JAK1: variants seen among roughly 807,000 people sequenced by gnomAD.
JAK1 encodes tyrosine-protein kinase JAK1.
Under a neutral mutation model 136.6 loss-of-function variants are expected in JAK1, and 16 were observed. That is an observed-to-expected ratio of 0.12 (90% CI 0.08 to 0.18). The LOEUF (loss-of-function observed/expected upper bound fraction) is 0.18, where lower values mean the gene tolerates loss of function less well. Ranked by LOEUF, JAK1 falls within the 10% of genes least tolerant of loss-of-function variation. JAK1 has a pLI of 1.00. For synonymous variants in JAK1, 492 were observed against 519.5 expected, an observed-to-expected ratio of 0.95 and a Z score of 0.72; for missense variants, 859 against 1,450.1, an observed-to-expected ratio of 0.59 and a Z score of 6.62.
At position 65,015,704 on chromosome 1, in the gene JAK1, T is replaced by A. The variant is rs150677428; in HGVS notation, c.-78+28776A>T. Among the ~76,000 whole-genome samples, 447 of 152,222 alleles carry A rather than the reference T, an allele frequency of 2.9e-3. 3 individuals are homozygous for A. Among genetic ancestry groups the A allele is most frequent in the African/African-American group, 0.01 (433 of 41,546 alleles). ...TGAAATTTTAAAACGGAAATATAAC[T>A]CCAAAAGAATTGGCATTTTTATGTT... On this transcript the variant is annotated intron_variant, in intron 2 of 25. Coordinates refer to the JAK1 transcript ENST00000671954.
chr1:65,029,300 A>G (rs989256138), intron 2 of JAK1, among the ~76,000 whole-genome samples: 8 of 152,044 alleles, frequency 5.3e-5, no homozygotes. Context: ...GGGTTTCACT[A>G]TGTTGCCCAG....
rs186175385 is a variant in JAK1 at position 65,034,829 on chromosome 1, C to A, written c.-78+9651G>T. Among the ~76,000 whole-genome samples the A allele has an allele frequency of 9.2e-3, 1,394 of 152,108 alleles. 14 individuals are homozygous for A. Among genetic ancestry groups the A allele is most frequent in the African/African-American group, 0.032 (1,327 of 41,500 alleles). ...CAGCACTTTGCGAGGCCAAGGCGGG[C>A]GGATCACTTGAGGTCAGGAGTTCAA... On this transcript the variant is annotated intron_variant, in intron 2 of 25. Transcript: ENST00000671954.
intron 22 of JAK1, 99 bp downstream of exon 22, chr1:64,837,833 C>A: frequency 3.0e-6 from 3 of 1,000,352 alleles, no homozygotes; most frequent in East Asian, 2.4e-5. Context: ...TTGAGTCAGG[C>A]CAGAGGAATG....
chr1:64,886,188 A>G (rs1644849533), intron 2 of JAK1, 71 bp downstream of exon 2: 4 of 1,024,220 alleles, frequency 3.9e-6, no homozygotes, highest in Non-Finnish European at 6.0e-6. Context: ...CTACAGCCTC[A>G]AGAACACGGT....
intron 17 of JAK1, among the ~76,000 whole-genome samples, chr1:64,841,873 T>C (rs1178727716): frequency 1.3e-5 from 2 of 152,192 alleles, no homozygotes; most frequent in South Asian, 2.1e-4. Flanking sequence ...TGGAATACAA[T>C]TGGGCAACAT....
At chr1:64,956,040 A>G (rs1296608493) in intron 1 of JAK1, among the ~76,000 whole-genome samples, 1 of 152,258 alleles carries the variant, frequency 6.6e-6, no homozygotes, top group Non-Finnish European at 1.5e-5. Flanking sequence ...TAGAAATGTC[A>G]GTGTCCATAC....
chr1:64,896,201 T>C (rs1262343894), intron 1 of JAK1, among the ~76,000 whole-genome samples: 1 of 152,258 alleles, frequency 6.6e-6, no homozygotes, highest in African/African-American at 2.4e-5. Context: ...CTTTTTTGCA[T>C]CCTTGAAGCA....
At chr1:64,981,580 A>C (rs1165767204) in intron 2 of JAK1, among the ~76,000 whole-genome samples, 2 of 152,222 alleles carry the variant, frequency 1.3e-5, no homozygotes, top group Non-Finnish European at 1.5e-5. Flanking sequence ...AATTAAAATA[A>C]ATTAAAATAT....
At position 65,047,807 on chromosome 1, in the gene JAK1, G is replaced by A. The variant is rs143870907; in HGVS notation, c.-180-3225C>T. Among the ~76,000 whole-genome samples the A allele has an allele frequency of 5.9e-4, 90 of 152,198 alleles. No individual in the cohort carries two copies. In the East Asian group the frequency reaches 0.015, roughly 26 times the overall value. On this transcript the variant is annotated intron_variant, in intron 1 of 25. Coordinates refer to the JAK1 transcript ENST00000671954. ...AAACACAGTAAGTATACTGAAGTAC[G>A]TTAGTGTGGACGTACTGTGTGCAAG...
intron 2 of JAK1, among the ~76,000 whole-genome samples, chr1:65,036,670 A>G (rs1307889859): frequency 6.8e-6 from 1 of 147,816 alleles, no homozygotes; most frequent in African/African-American, 2.5e-5. Context: ...TCTACAAAGT[A>G]TTTCAAGAGT....
chr1:65,067,220 A>C (rs1447789989), intron 1 of JAK1, among the ~76,000 whole-genome samples: 1 of 149,844 alleles, frequency 6.7e-6, no homozygotes, highest in Admixed American at 6.6e-5. Flanking sequence ...TCCCCGGAGG[A>C]GGCTGAAGGC....
intron 19 of JAK1, among the ~76,000 whole-genome samples, 195 bp from the exon 20 acceptor site, chr1:64,839,990 C>T (rs1654786439): frequency 6.6e-6 from 1 of 152,232 alleles, no homozygotes; most frequent in Admixed American, 6.5e-5. Context: ...CACAAACTGT[C>T]CCCTCAGTTA....
At chr1:64,915,094 A>C (rs1163378863) in intron 1 of JAK1, among the ~76,000 whole-genome samples, 1 of 152,132 alleles carries the variant, frequency 6.6e-6, no homozygotes, top group Non-Finnish European at 1.5e-5. Flanking sequence ...CCACATATAT[A>C]CCTTATAGGA....
At chr1:64,879,357 T>C (rs1056372556) in intron 3 of JAK1, among the ~76,000 whole-genome samples, 8 of 152,154 alleles carry the variant, frequency 5.3e-5, no homozygotes, top group Non-Finnish European at 8.8e-5. Flanking sequence ...CCCAGAAATA[T>C]GCACTGTAGC....
At chr1:65,039,555 C>G (rs1481931715) in intron 2 of JAK1, among the ~76,000 whole-genome samples, 1 of 152,144 alleles carries the variant, frequency 6.6e-6, no homozygotes, top group African/African-American at 2.4e-5. Flanking sequence ...GAAAGAAACT[C>G]AAACCCAGGT....
At chr1:64,930,533 A>C (rs11208543) in intron 1 of JAK1, among the ~76,000 whole-genome samples, 1 of 152,320 alleles carries the variant, frequency 6.6e-6, no homozygotes, top group South Asian at 2.1e-4. Flanking sequence ...AAATAGGAAC[A>C]CTTTATGCTG....
At chr1:64,857,004 G>T (rs770185756) in intron 10 of JAK1, among the ~76,000 whole-genome samples, 7 of 152,152 alleles carry the variant, frequency 4.6e-5, no homozygotes, top group Non-Finnish European at 1.0e-4. Context: ...CCACTTTGTA[G>T]TTTTTTTAAT....
At chr1:65,027,895 A>C (rs1273610434) in intron 2 of JAK1, among the ~76,000 whole-genome samples, 1 of 152,198 alleles carries the variant, frequency 6.6e-6, no homozygotes, top group African/African-American at 2.4e-5. Context: ...AGCGTTCTGC[A>C]TTCCTTGCAG....
intron 7 of JAK1, among the ~76,000 whole-genome samples, chr1:64,865,917 A>G (rs996984219): frequency 4.6e-5 from 7 of 151,964 alleles, no homozygotes; most frequent in African/African-American, 9.7e-5. Context: ...GTGCCACCAC[A>G]TCCTGCTAAT....
Sources: allele counts gnomAD v4.1 joint callset (sites outside exome capture counted in the v4.1 genomes callset), GRCh38; gene constraint gnomAD v4.1.1; transcripts MANE v1.5; gene names NCBI Gene and HGNC (gene_info 2026-07-23, HGNC 2026-07-21).